ZNF385D: variants seen among roughly 807,000 people sequenced by gnomAD.
The protein encoded by ZNF385D is zinc finger protein 385D.
In ZNF385D, 15 loss-of-function variants were observed where a neutral mutation model predicts 35.8. The ratio of observed to expected loss-of-function variants is 0.42; its 90% CI spans 0.28 to 0.64. ZNF385D has a LOEUF of 0.64. Among genes scored for constraint, ZNF385D ranks in the 30% least tolerant of loss-of-function variants. The probability of loss-of-function intolerance (pLI) is 0.23; values close to 1 mark genes in which losing one functional copy is unlikely to be tolerated. For missense variants in ZNF385D, 474 were observed against 494.6 expected, an observed-to-expected ratio of 0.96 and a Z score of 0.39; for synonymous variants, 212 against 186.8, an observed-to-expected ratio of 1.13 and a Z score of -1.10.
chr3:22,330,817 C>CCTTTA, intron 2 of ZNF385D, among the ~76,000 whole-genome samples: 1 of 152,172 alleles, frequency 6.6e-6, no homozygotes, highest in East Asian at 1.9e-4. Flanking sequence ...AGTGTGCCTG[C>CCTTTA]CTTTACTTTG....
chr3:22,352,623 C>T (rs1385663280), intron 2 of ZNF385D, among the ~76,000 whole-genome samples: 1 of 152,152 alleles, frequency 6.6e-6, no homozygotes, highest in Non-Finnish European at 1.5e-5. Context: ...CCATCCAGGT[C>T]TCTATAACTT....
At chr3:22,066,789 G>A (rs1050445651) in intron 3 of ZNF385D, among the ~76,000 whole-genome samples, 2 of 152,108 alleles carry the variant, frequency 1.3e-5, no homozygotes, top group African/African-American at 2.4e-5. Flanking sequence ...GACCTGAGAT[G>A]TGTCTATTTC....
chr3:21,467,350 C>T (rs568864108), intron 4 of ZNF385D, among the ~76,000 whole-genome samples: 1 of 152,230 alleles, frequency 6.6e-6, no homozygotes, highest in African/African-American at 2.4e-5. Flanking sequence ...TTTGCCAAAA[C>T]ATTATTCTGA....
intron 3 of ZNF385D, among the ~76,000 whole-genome samples, chr3:22,143,296 G>T (rs997768214): frequency 2.0e-5 from 3 of 152,080 alleles, no homozygotes; most frequent in Non-Finnish European, 2.9e-5. Flanking sequence ...GTGTTAGCCA[G>T]GATGGTCTTG....
chr3:22,218,578 T>G (rs1387187788), intron 2 of ZNF385D, among the ~76,000 whole-genome samples: 1 of 152,128 alleles, frequency 6.6e-6, no homozygotes, highest in Admixed American at 6.5e-5. Context: ...ATTTGCTTAT[T>G]GCACAGACCA....
intron 3 of ZNF385D, among the ~76,000 whole-genome samples, chr3:21,891,051 C>T (rs949502523): frequency 6.6e-6 from 1 of 152,104 alleles, no homozygotes; most frequent in Admixed American, 6.5e-5. Flanking sequence ...AATAGTTGTA[C>T]AGCAAATTTA....
At chr3:21,921,542 T>C (rs185825478) in intron 3 of ZNF385D, among the ~76,000 whole-genome samples, 17 of 152,206 alleles carry the variant, frequency 1.1e-4, no homozygotes, top group Admixed American at 3.9e-4. Flanking sequence ...AAGCAATCAA[T>C]AGAATCTATG....
intron 2 of ZNF385D, among the ~76,000 whole-genome samples, chr3:21,637,956 A>G (rs571835936): frequency 3.9e-5 from 6 of 152,204 alleles, no homozygotes; most frequent in African/African-American, 1.4e-4. Flanking sequence ...CATTTGCCCT[A>G]TACTTTCCTA....
chr3:21,697,388 T>C (rs1421841520), intron 1 of ZNF385D, among the ~76,000 whole-genome samples: 1 of 152,110 alleles, frequency 6.6e-6, no homozygotes, highest in African/African-American at 2.4e-5. Flanking sequence ...TCTCTGACAA[T>C]AAAAAGTTTC....
intron 3 of ZNF385D, among the ~76,000 whole-genome samples, chr3:22,101,414 C>T (rs1354243945): frequency 7.9e-5 from 12 of 152,044 alleles, no homozygotes. Flanking sequence ...GACCAGGTTC[C>T]ACGTGCCAAT....
chr3:22,272,558 A>G (rs1283586190), intron 2 of ZNF385D, among the ~76,000 whole-genome samples: 3 of 152,032 alleles, frequency 2.0e-5, no homozygotes, highest in Admixed American at 2.0e-4. Flanking sequence ...TTATGAAAGC[A>G]GCCTTGTAAA....
chr3:21,770,176 C>G (rs572440025), intron 3 of ZNF385D, among the ~76,000 whole-genome samples: 256 of 152,052 alleles, frequency 1.7e-3, no homozygotes, highest in African/African-American at 5.1e-3. Context: ...CATAGGCATG[C>G]GCAAGGACTT....
At chr3:21,814,208 A>C (rs1412909324) in intron 3 of ZNF385D, among the ~76,000 whole-genome samples, 1 of 152,224 alleles carries the variant, frequency 6.6e-6, no homozygotes, top group Non-Finnish European at 1.5e-5. Context: ...AGCACTAAAC[A>C]TGGAAAGGAA....
At chr3:22,071,471 A>T (rs544461031) in intron 3 of ZNF385D, among the ~76,000 whole-genome samples, 3 of 152,244 alleles carry the variant, frequency 2.0e-5, no homozygotes, top group South Asian at 2.1e-4. Context: ...TTATCTCTCA[A>T]CTGCACTTCT....
In ZNF385D at chr3:21,885,329, T is replaced by C. The variant is rs576022388; in HGVS notation, c.326-220301A>G. Among the ~76,000 whole-genome samples the C allele has an allele frequency of 2.6e-5, 4 of 152,082 alleles. No homozygotes were observed. In the South Asian group the frequency reaches 6.2e-4, roughly 24 times the overall value. The stretch of plus-strand genomic sequence containing the variant: ...ATCAACTAACATTTGTATTGAACTA[T>C]ACTTATTCACAATAAATTCTTTGCT... On this transcript the variant is annotated intron_variant, in intron 3 of 5. Coordinates refer to the ZNF385D transcript ENST00000494108.
chr3:21,569,922 A>AGGGGGGGGGGGG (rs1575210384), intron 2 of ZNF385D, among the ~76,000 whole-genome samples: 24 of 115,314 alleles, frequency 2.1e-4, no homozygotes, highest in Admixed American at 5.6e-4. Context: ...GTGGGGGGGC[A>AGGGGGGGGGGGG]GGGAGGGATA....
chr3:21,936,880 G>C (rs971508716), intron 3 of ZNF385D, among the ~76,000 whole-genome samples: 1 of 152,132 alleles, frequency 6.6e-6, no homozygotes, highest in Non-Finnish European at 1.5e-5. Context: ...GTTAGGAATA[G>C]TTGTAACTAG....
chr3:21,743,029 G>A lies in ZNF385D; in HGVS notation c.22+7866C>T, dbSNP rs547534597. Among the ~76,000 whole-genome samples, 8 of 152,284 alleles carry A rather than the reference G, an allele frequency of 5.3e-5. No homozygotes were observed. The East Asian group carries it at 1.2e-3, about 22-fold the overall frequency. ...ATATTTTAGTTCTCCAAATAGAACC[G>A]TGAGAAACATTATTATATTATTATT... On this transcript the variant is annotated intron_variant, in intron 1 of 7. Coordinates refer to ENST00000281523, the MANE Select transcript of ZNF385D (RefSeq NM_024697.3).
chr3:21,550,990 A>G (rs908648255), intron 3 of ZNF385D, among the ~76,000 whole-genome samples: 3 of 152,194 alleles, frequency 2.0e-5, no homozygotes, highest in South Asian at 2.1e-4. Flanking sequence ...TTATAGTTCA[A>G]TAATATGAAT....
Sources: gnomAD v4.1 joint callset for allele counts (sites outside exome capture counted in the v4.1 genomes callset) on GRCh38, gnomAD v4.1.1 for gene constraint, MANE v1.5 for transcripts, NCBI Gene and HGNC (gene_info 2026-07-23, HGNC 2026-07-21) for gene names.